The following CBFA2T3 variants were observed in gnomAD, a reference collection of about 807,000 sequenced individuals.
CBFA2T3 encodes CBFA2/RUNX1 partner transcriptional co-repressor 3.
In CBFA2T3, 31 loss-of-function variants were observed where a neutral mutation model predicts 58.6. The observed-to-expected ratio is 0.53, with a 90% CI of 0.40 to 0.71. CBFA2T3 has a LOEUF of 0.71. Among genes scored for constraint, CBFA2T3 ranks in the 30% least tolerant of loss-of-function variants. The pLI is 0.00. For missense variants in CBFA2T3, 1,076 were observed against 963.1 expected, an observed-to-expected ratio of 1.12 and a Z score of -1.55; for synonymous variants, 531 against 421.9, an observed-to-expected ratio of 1.26 and a Z score of -3.17.
intron 1 of CBFA2T3, among the ~76,000 whole-genome samples, chr16:88,914,303 C>A (rs1248826282): frequency 6.6e-6 from 1 of 152,220 alleles, no homozygotes; most frequent in Non-Finnish European, 1.5e-5. Context: ...GATCGGAGGC[C>A]TTGGGGACAG....
chr16:88,889,767 C>T (rs1328252655), intron 5 of CBFA2T3, among the ~76,000 whole-genome samples: 2 of 149,350 alleles, frequency 1.3e-5, no homozygotes, highest in African/African-American at 4.9e-5. Context: ...CGCGATTCCT[C>T]CTCCTCCAGG....
At chr16:88,959,744 T>A (rs567366277) in intron 1 of CBFA2T3, among the ~76,000 whole-genome samples, 1 of 152,242 alleles carries the variant, frequency 6.6e-6, no homozygotes, top group South Asian at 2.1e-4. Flanking sequence ...AGGTGGCTCA[T>A]TGTTTAAAAA....
chr16:88,881,996 G>A (rs188283754), intron 8 of CBFA2T3, among the ~76,000 whole-genome samples: 2 of 152,230 alleles, frequency 1.3e-5, no homozygotes, highest in African/African-American at 4.8e-5. Context: ...CACACTTCTT[G>A]CAAGACTCAG....
chr16:88,914,207 T>C (rs1970616161), intron 1 of CBFA2T3, among the ~76,000 whole-genome samples: 1 of 152,212 alleles, frequency 6.6e-6, no homozygotes, highest in Non-Finnish European at 1.5e-5. Context: ...AGTCCGTTTC[T>C]AGAAAATTCA....
chr16:88,965,766 G>C (rs1354870995), intron 1 of CBFA2T3, among the ~76,000 whole-genome samples: 1 of 152,238 alleles, frequency 6.6e-6, no homozygotes, highest in Non-Finnish European at 1.5e-5. Flanking sequence ...CATAAGGTCT[G>C]TGTGTGGCCA....
chr16:88,967,264 A>G (rs1292169110), intron 1 of CBFA2T3, among the ~76,000 whole-genome samples: 1 of 151,848 alleles, frequency 6.6e-6, no homozygotes, highest in Non-Finnish European at 1.5e-5. Context: ...AGGCAGCACC[A>G]TGCTCAATGC....
At chr16:88,883,187 C>T (rs868543437) in intron 7 of CBFA2T3, 19 of 256,888 alleles carry the variant, frequency 7.4e-5, no homozygotes, top group Middle Eastern at 2.7e-3. Context: ...CTGAGGATGC[C>T]TCAGTGCCAA....
intron 8 of CBFA2T3, 42 bp downstream of exon 8, chr16:88,882,634 C>CTGGGCATGGCTGTG (rs1195211165): frequency 1.5e-6 from 2 of 1,317,808 alleles, no homozygotes; most frequent in Non-Finnish European, 1.1e-6. Context: ...GGCTGTGCGC[C>CTGGGCATGGCTGTG]TGGGCATGGC....
chr16:88,972,202 C>T (rs961841212), intron 1 of CBFA2T3, among the ~76,000 whole-genome samples: 1 of 152,114 alleles, frequency 6.6e-6, no homozygotes, highest in Non-Finnish European at 1.5e-5. Context: ...GGAAGCAGTG[C>T]CACGCTTACT....
At chr16:88,949,723 A>T (rs967047968) in intron 1 of CBFA2T3, among the ~76,000 whole-genome samples, 1 of 151,676 alleles carries the variant, frequency 6.6e-6, no homozygotes, top group Non-Finnish European at 1.5e-5. Flanking sequence ...AGAAGAAAAC[A>T]AAAGGGACCA....
chr16:88,883,894 T>G (rs12149315), intron 7 of CBFA2T3: 37,957 of 152,312 alleles, frequency 0.25, 5,001 homozygotes, highest in East Asian at 0.5. Context: ...ATTTGGCCAC[T>G]GCCCACGCTT....
intron 1 of CBFA2T3, among the ~76,000 whole-genome samples, chr16:88,925,278 G>A (rs1249536446): frequency 2.0e-5 from 3 of 152,230 alleles, no homozygotes; most frequent in African/African-American, 7.2e-5. Flanking sequence ...CGCAGCCGTG[G>A]TGGCAGCTGC....
intron 9 of CBFA2T3, 27 bp downstream of exon 9, chr16:88,881,264 C>T: frequency 1.3e-6 from 2 of 1,591,472 alleles, no homozygotes. Flanking sequence ...CCCGTGTCTG[C>T]TCCCTCCCCC....
Position 88,968,739 on chromosome 16 carries a change from C to T in CBFA2T3, c.151+7918G>A, listed in dbSNP as rs566794731. 1.8e-3 allele frequency among the ~76,000 whole-genome samples: 268 copies of T among 152,284 alleles called. 2 individuals carry two copies. The highest frequency in any genetic ancestry group is 2.4e-3 in the Non-Finnish European group (165 of 68,004). On this transcript the variant is annotated intron_variant, in intron 1 of 11. Transcript: ENST00000268679. ...CTTGGGAATAAGCGGCAAGAAGCTT[C>T]GGGGTCCAGTTTGCACCGAGCCCCT... is the stretch of plus-strand genomic sequence containing the variant.
intron 1 of CBFA2T3, among the ~76,000 whole-genome samples, chr16:88,904,461 C>T (rs560374139): frequency 6.6e-6 from 1 of 152,358 alleles, no homozygotes; most frequent in Admixed American, 6.5e-5. Flanking sequence ...GTGTTGCCCC[C>T]ACAGGGCCAG....
chr16:88,919,331 C>T (rs941439554), intron 1 of CBFA2T3, among the ~76,000 whole-genome samples: 13 of 152,232 alleles, frequency 8.5e-5, no homozygotes, highest in South Asian at 2.1e-4. Context: ...TGGTCTCCTT[C>T]ATTCGGTGTA....
At chr16:88,902,403 A>G (rs1051758540) in intron 1 of CBFA2T3, 2 of 151,936 alleles carry the variant, frequency 1.3e-5, no homozygotes, top group Non-Finnish European at 2.9e-5. Flanking sequence ...GATTAATGAG[A>G]ACCTGCAGCT....
At chr16:88,886,280 T>C (rs986563523) in intron 5 of CBFA2T3, 138 bp from the exon 6 acceptor site, 5 of 513,586 alleles carry the variant, frequency 9.7e-6, no homozygotes, top group African/African-American at 2.0e-5. Context: ...GCTCGACCTC[T>C]CTGGGCCTCA....
rs1392132116 is a variant in CBFA2T3 at position 88,915,726 on chromosome 16, C to T, written c.152-14070G>A. ...GGACGGGGGGAGCGTGGAGGGGGAGCGTGGAAGGGGGAGCGTGGGGGGGGA... is the reference window on the plus strand; with the variant it reads ...GGACGGGGGGAGCGTGGAGGGGGAGTGTGGAAGGGGGAGCGTGGGGGGGGA... On this transcript the variant is annotated intron_variant, in intron 1 of 11. Transcript: ENST00000268679. Among the ~76,000 whole-genome samples the T allele has an allele frequency of 6.0e-3, 186 of 31,042 alleles. 1 individual carries two copies. Among genetic ancestry groups the T allele is most frequent in the Middle Eastern group, 0.026 (1 of 38 alleles). The allele number at this position is 31,042 out of a possible 152,430, so 20.4% of individuals were successfully genotyped here. A position where few individuals can be genotyped will look rare whatever the true frequency, so the allele number is the denominator to read the frequency against.
Sources: gnomAD v4.1 joint callset for allele counts (sites outside exome capture counted in the v4.1 genomes callset) on GRCh38, gnomAD v4.1.1 for gene constraint, MANE v1.5 for transcripts, NCBI Gene and HGNC (gene_info 2026-07-23, HGNC 2026-07-21) for gene names.